ATG2B: variants seen among roughly 807,000 people sequenced by gnomAD.
ATG2B encodes autophagy-related protein 2 homolog B.
A neutral mutation model predicts 241.3 loss-of-function variants in ATG2B; 121 were observed. The observed-to-expected ratio is 0.50, with a 90% CI of 0.43 to 0.58. The LOEUF is 0.58. Among genes scored for constraint, ATG2B ranks in the 20% least tolerant of loss-of-function variants. The pLI is 0.00. For synonymous variants in ATG2B, 858 were observed against 876.6 expected, an observed-to-expected ratio of 0.98 and a Z score of 0.37; for missense variants, 2,306 against 2,491.6, an observed-to-expected ratio of 0.93 and a Z score of 1.59.
Position 96,328,313 on chromosome 14 carries a change from T to C in ATG2B, c.2163+34A>G, listed in dbSNP as rs1566726918. Reference sequence around the variant, plus strand: ...CAATAACCCTATTAGCTAACCATAATTATGATTAGTATTTGCAGCTTTTGA... The same window carrying C: ...CAATAACCCTATTAGCTAACCATAACTATGATTAGTATTTGCAGCTTTTGA... On this transcript the variant is annotated intron_variant, in intron 14 of 41. Coordinates refer to ENST00000359933, the MANE Select transcript of ATG2B (RefSeq NM_018036.7). 2.0e-6 allele frequency: 3 copies of C among 1,487,758 alleles called. No homozygotes were observed. The East Asian group carries it at 6.8e-5, about 34-fold the overall frequency. 92.2% of individuals were successfully genotyped at this position (1,487,758 alleles called of 1,614,324 possible).
chr14:96,311,949 T>G, intron 26 of ATG2B, 140 bp downstream of exon 26: 1 of 691,336 alleles, frequency 1.4e-6, no homozygotes. Flanking sequence ...CACTATATAC[T>G]TAAAGACCCT....
chr14:96,350,521 G>GACTAC (rs1888286673), intron 1 of ATG2B, among the ~76,000 whole-genome samples: 1 of 152,144 alleles, frequency 6.6e-6, no homozygotes, highest in Admixed American at 6.5e-5. Flanking sequence ...TGGCATGGTG[G>GACTAC]AGCAAACCAG....
At chr14:96,307,991 A>G (rs1451878267) in intron 29 of ATG2B, among the ~76,000 whole-genome samples, 1 of 151,260 alleles carries the variant, frequency 6.6e-6, no homozygotes, top group Non-Finnish European at 1.5e-5. Context: ...TAAGAGACTC[A>G]CAGATTAGAT....
At position 96,302,102 on chromosome 14, in the gene ATG2B, C is replaced by T. The variant is rs774633271; in HGVS notation, c.5044G>A (p.Val1682Met). 6.2e-7 allele frequency: 1 copy of T among 1,608,006 alleles called. No homozygotes were observed. The highest frequency in any genetic ancestry group is 8.5e-7 in the Non-Finnish European group (1 of 1,174,788). ...PRKAHSNMLT[V>M]KALHVCPESG... ...TCTGGACACACGTGTAAGGCTTTCA[C>T]TGTCAACTACAAGGCAAGAAAGAGA... Residue 1682 changes from valine (V) to methionine (M), a missense_variant, in exon 34 of 42, where the codon GTG (valine) becomes ATG (methionine). Around this residue, in one of 2 missense-constraint regions of ATG2B, gnomAD observed 1,927 missense variants for 2,011.2 expected, o/e 0.96. Coordinates refer to ENST00000359933, the MANE Select transcript of ATG2B (RefSeq NM_018036.7).
intron 34 of ATG2B, among the ~76,000 whole-genome samples, chr14:96,297,812 A>G (rs1321876564): frequency 1.3e-5 from 2 of 151,704 alleles, no homozygotes; most frequent in Admixed American, 6.6e-5. Context: ...TATTTTACAG[A>G]TGGGGGTCTC....
rs568481382 is a variant in ATG2B, at chr14:96,292,601, G to A, written c.5427-503C>T. 6.6e-5 allele frequency among the ~76,000 whole-genome samples: 10 copies of A among 152,250 alleles called. No homozygotes were observed. In the East Asian group the frequency reaches 1.9e-3, roughly 29 times the overall value. ...GCCAGCAATCCTGGCATGAACCCCA[G>A]GTTCATCTATGACATGCAACTGTGG... On this transcript the variant is annotated intron_variant, in intron 36 of 41. Transcript: ENST00000359933.
At chr14:96,345,694 T>C (rs1888152849) in intron 2 of ATG2B, among the ~76,000 whole-genome samples, 1 of 152,162 alleles carries the variant, frequency 6.6e-6, no homozygotes, top group African/African-American at 2.4e-5. Flanking sequence ...TACAGATGCA[T>C]GGAACTGTTC....
rs1309788039 is a variant in ATG2B at position 96,308,253 on chromosome 14, C to CATATATATATATATATATATAT, written c.4303+1199_4303+1200insATATATATATATATATATATAT. ...ATACATATATATATATATATATATA[C>CATATATATATATATATATATAT]ACACATATATATATATATATATATA... On this transcript the variant is annotated intron_variant, in intron 29 of 41. Coordinates refer to ENST00000359933, the MANE Select transcript of ATG2B (RefSeq NM_018036.7). 1.6e-4 allele frequency among the ~76,000 whole-genome samples: 6 copies of CATATATATATATATATATATAT among 36,402 alleles called. 1 individual carries two copies. The highest frequency in any genetic ancestry group is 1.6e-3 in the Admixed American group (4 of 2,524). The allele number at this position is 36,402 out of a possible 152,430, so 23.9% of individuals were successfully genotyped here.
At chr14:96,314,889 C>T (rs1458975156) in intron 23 of ATG2B, among the ~76,000 whole-genome samples, 5 of 152,152 alleles carry the variant, frequency 3.3e-5, no homozygotes, top group Non-Finnish European at 4.4e-5. Context: ...TTAGTAGAGA[C>T]GGGATTGACC....
chr14:96,308,264 A>T (rs1322482129), intron 29 of ATG2B, among the ~76,000 whole-genome samples: 1 of 12,616 alleles, frequency 7.9e-5, no homozygotes, highest in African/African-American at 4.0e-4. Context: ...ACACATATAT[A>T]TATATATATA....
chr14:96,306,852 G>C lies in ATG2B; in HGVS notation c.4368C>G (p.Asp1456Glu). 1.2e-6 allele frequency: 2 copies of C among 1,613,952 alleles called. No individual in the cohort carries two copies. The highest frequency in any genetic ancestry group is 1.7e-6 in the Non-Finnish European group (2 of 1,180,000). Residue 1456 changes from aspartate (D) to glutamate (E), a missense_variant, in exon 30 of 42, where the codon GAC becomes GAG. This residue lies in a region of ATG2B where 1,927 missense variants were observed against 2,011.2 expected (regional missense o/e 0.96). Transcript: ENST00000359933. ...PCCSDLFLFP[D>E]ESGNVSQESG... ...ACTCCTGGGATACATTCCCACTCTC[G>C]TCAGGAAACAGGAAGAGGTCTGAAC...
chr14:96,332,288 G>A lies in ATG2B; in HGVS notation c.1468+17C>T, dbSNP rs1207526571. 1.9e-6 allele frequency: 3 copies of A among 1,580,762 alleles called. No homozygotes were observed. The highest frequency in any genetic ancestry group is 2.6e-6 in the Non-Finnish European group (3 of 1,151,734). On this transcript the variant is annotated intron_variant, in intron 10 of 41. Transcript: ENST00000359933. ...ATTCCAGCGGAAACTAACAACAAATGTCTTATTTTTACTTACATGTCTTCT... is the reference window on the plus strand; with the variant it reads ...ATTCCAGCGGAAACTAACAACAAATATCTTATTTTTACTTACATGTCTTCT...
chr14:96,327,605 C>T (rs1208924419), intron 14 of ATG2B, among the ~76,000 whole-genome samples: 1 of 152,046 alleles, frequency 6.6e-6, no homozygotes, highest in Non-Finnish European at 1.5e-5. Context: ...ATAATCACAG[C>T]TTATAAAAAC....
In ATG2B at chr14:96,289,292, G is replaced by C. The variant is rs1886418900; in HGVS notation, c.6006+364C>G. Among the ~76,000 whole-genome samples the C allele has an allele frequency of 6.6e-6, 1 of 152,194 alleles. No individual in the cohort carries two copies. Among genetic ancestry groups the C allele is most frequent in the African/African-American group, 2.4e-5 (1 of 41,442 alleles). On this transcript the variant is annotated intron_variant, in intron 41 of 41. Coordinates refer to ENST00000359933, the MANE Select transcript of ATG2B (RefSeq NM_018036.7). This position sits in a 1 kb window ranked among gnomAD's most constrained non-coding sequence, Gnocchi z 4.3. ...AAGGCATGGGAATAGGATCAGGGTG[G>C]GAGATTCATCTGAAAAGTTCTAGTT...
chr14:96,351,067 T>C (rs1335187086), intron 1 of ATG2B, among the ~76,000 whole-genome samples: 5 of 152,238 alleles, frequency 3.3e-5, no homozygotes, highest in African/African-American at 9.6e-5. Flanking sequence ...TTTTTTGGCA[T>C]GACACTCAGA....
intron 4 of ATG2B, 131 bp from the exon 5 acceptor site, chr14:96,343,412 T>TA (rs1555369914): frequency 8.6e-5 from 24 of 278,480 alleles, no homozygotes; most frequent in Admixed American, 2.6e-4. Flanking sequence ...ATAATAATAA[T>TA]AATAAATAAA....
intron 1 of ATG2B, among the ~76,000 whole-genome samples, chr14:96,347,641 A>T (rs1057161059): frequency 6.6e-6 from 1 of 152,240 alleles, no homozygotes; most frequent in Non-Finnish European, 1.5e-5. Flanking sequence ...ACAGGAAAAA[A>T]ATCTAATAAT....
chr14:96,340,926 GAAAA>G (rs34515724), intron 6 of ATG2B, among the ~76,000 whole-genome samples: 164 of 112,958 alleles, frequency 1.5e-3, no homozygotes, highest in Non-Finnish European at 8.4e-4. Flanking sequence ...ACCCCATCTC[GAAAA>G]AAAAAAAAAA....
At chr14:96,291,141 A>C (rs1041118506) in intron 38 of ATG2B, among the ~76,000 whole-genome samples, 1 of 152,186 alleles carries the variant, frequency 6.6e-6, no homozygotes, top group Non-Finnish European at 1.5e-5. Flanking sequence ...CTAAATATAC[A>C]TATACATACA....
Sources: allele counts gnomAD v4.1 joint callset (sites outside exome capture counted in the v4.1 genomes callset), GRCh38; gene constraint gnomAD v4.1.1; regional missense constraint gnomAD v4.1.1; non-coding constraint Gnocchi (gnomAD v3.1); transcripts MANE v1.5; gene names NCBI Gene and HGNC (gene_info 2026-07-23, HGNC 2026-07-21).